Variants in PDIA5 observed in about 807,000 individuals in gnomAD.
The protein encoded by PDIA5 is protein disulfide-isomerase A5.
In PDIA5, 58 loss-of-function variants were observed where a neutral mutation model predicts 77.6. That is an observed-to-expected ratio of 0.75 (90% CI 0.61 to 0.93). PDIA5 has a LOEUF of 0.93. Ranked by LOEUF, PDIA5 falls within the 40% of genes least tolerant of loss-of-function variation. PDIA5 has a pLI of 0.00. For missense variants in PDIA5, 630 were observed against 647.7 expected (o/e 0.97, Z 0.30); for synonymous variants, 250 against 252.1 (o/e 0.99, Z 0.08).
chr3:123,100,458 G>A (rs1395043197), intron 3 of PDIA5, among the ~76,000 whole-genome samples: 2 of 152,230 alleles, frequency 1.3e-5, no homozygotes, highest in East Asian at 1.9e-4. Context: ...ATCTTAAAAT[G>A]TCCTTGCCAC....
intron 11 of PDIA5, among the ~76,000 whole-genome samples, chr3:123,133,422 C>G (rs568237861): frequency 2.5e-4 from 38 of 152,340 alleles, no homozygotes; most frequent in African/African-American, 8.9e-4. Flanking sequence ...TAGCAGACCA[C>G]AGCTTCTACT....
intron 1 of PDIA5, among the ~76,000 whole-genome samples, chr3:123,080,399 T>C (rs1158277727): frequency 6.6e-6 from 1 of 152,170 alleles, no homozygotes; most frequent in Non-Finnish European, 1.5e-5. Flanking sequence ...CCAACTCAAC[T>C]CTGAATTGAA....
intron 6 of PDIA5, among the ~76,000 whole-genome samples, chr3:123,108,383 C>T (rs1275842871): frequency 5.3e-5 from 8 of 149,640 alleles, no homozygotes; most frequent in African/African-American, 9.8e-5. Context: ...GGGGTTCAAG[C>T]GATTCTCGTA....
At chr3:123,089,419 G>C in intron 2 of PDIA5, 125 bp downstream of exon 2, 1 of 865,386 alleles carries the variant, frequency 1.2e-6, no homozygotes, top group Non-Finnish European at 1.8e-6. Flanking sequence ...CATGGGGTTT[G>C]TCACCTTTCC....
intron 11 of PDIA5, among the ~76,000 whole-genome samples, chr3:123,139,637 A>G (rs1194545320): frequency 6.6e-6 from 1 of 152,096 alleles, no homozygotes; most frequent in Non-Finnish European, 1.5e-5. Context: ...GGAGGAGAGG[A>G]GAGGGGATGT....
At chr3:123,159,361 A>G (rs1055189471) in intron 15 of PDIA5, among the ~76,000 whole-genome samples, 2 of 152,150 alleles carry the variant, frequency 1.3e-5, no homozygotes, top group Non-Finnish European at 2.9e-5. Context: ...TAAATAATAA[A>G]GTGCGTTAGA....
intron 13 of PDIA5, among the ~76,000 whole-genome samples, chr3:123,149,519 C>A (rs1342566240): frequency 6.6e-6 from 1 of 152,132 alleles, no homozygotes; most frequent in Non-Finnish European, 1.5e-5. Flanking sequence ...ATTGCAAGAC[C>A]CTGGAGATCC....
chr3:123,139,748 T>C (rs1458304034), intron 11 of PDIA5, among the ~76,000 whole-genome samples: 1 of 152,178 alleles, frequency 6.6e-6, no homozygotes, highest in Non-Finnish European at 1.5e-5. Context: ...ATAAAGAATT[T>C]AGTCCTGCCA....
At chr3:123,159,393 G>A (rs1340039502) in intron 15 of PDIA5, among the ~76,000 whole-genome samples, 2 of 152,336 alleles carry the variant, frequency 1.3e-5, no homozygotes, top group Non-Finnish European at 2.9e-5. Context: ...GTTATCAGAA[G>A]TGCATAGGGG....
At chr3:123,147,086 C>T (rs529571322) in intron 13 of PDIA5, among the ~76,000 whole-genome samples, 4 of 152,330 alleles carry the variant, frequency 2.6e-5, no homozygotes, top group African/African-American at 7.2e-5. Context: ...GCTAGGATTA[C>T]AGGCGTGAAC....
intron 5 of PDIA5, among the ~76,000 whole-genome samples, chr3:123,105,738 C>T (rs968666124): frequency 2.9e-4 from 10 of 34,920 alleles, no homozygotes; most frequent in African/African-American, 5.6e-4. Flanking sequence ...GCCACACACA[C>T]GCACACACAC....
At chr3:123,128,374 G>A (rs79105204) in intron 10 of PDIA5, among the ~76,000 whole-genome samples, 4,699 of 152,104 alleles carry the variant, frequency 0.031, 117 homozygotes, top group Middle Eastern at 0.099. Flanking sequence ...AGTTCCTCCC[G>A]TTCTTTCCTT....
chr3:123,113,161 A>AAAGCC (rs1934905840), intron 7 of PDIA5, among the ~76,000 whole-genome samples: 3 of 152,184 alleles, frequency 2.0e-5, no homozygotes, highest in Admixed American at 6.5e-5. Flanking sequence ...CTCCTTTGGT[A>AAAGCC]TATCTTAAAG....
At chr3:123,068,814 A>C (rs1299335725) in intron 1 of PDIA5, among the ~76,000 whole-genome samples, 1 of 152,222 alleles carries the variant, frequency 6.6e-6, no homozygotes, top group Admixed American at 6.5e-5. Flanking sequence ...CCTGTGAGCA[A>C]ATAATGACAG....
chr3:123,150,321 C>A lies in PDIA5; in HGVS notation c.1230C>A (p.Thr410=), dbSNP rs1935861468. The A allele has an allele frequency of 1.9e-6, 3 of 1,613,692 alleles. No homozygotes were observed. Among genetic ancestry groups the A allele is most frequent in the Non-Finnish European group, 2.5e-6 (3 of 1,179,900 alleles). Residue 410 remains threonine, a synonymous_variant, in exon 14 of 17, where the codon ACC becomes ACA. Coordinates refer to ENST00000316218, the MANE Select transcript of PDIA5 (RefSeq NM_006810.4). The stretch of plus-strand genomic sequence containing the variant: ...TGGTGGGGGACAACTTCCGGGAGAC[C>A]CTGAAGAAGAAGAAACACACCTTGG... The part of the protein sequence containing the change: ...LHLVGDNFRE[T]LKKKKHTLVM...
intron 1 of PDIA5, among the ~76,000 whole-genome samples, chr3:123,080,264 G>A (rs1933966184): frequency 6.6e-6 from 1 of 152,150 alleles, no homozygotes; most frequent in Non-Finnish European, 1.5e-5. Flanking sequence ...CAGCCTTCTG[G>A]GTCCAGCTGA....
At chr3:123,097,979 T>C (rs941171149) in intron 3 of PDIA5, among the ~76,000 whole-genome samples, 4 of 152,150 alleles carry the variant, frequency 2.6e-5, no homozygotes, top group Admixed American at 1.3e-4. Context: ...TGGTCTCCCG[T>C]GGACATGAGA....
chr3:123,138,776 G>C (rs188905778), intron 11 of PDIA5, among the ~76,000 whole-genome samples: 1 of 152,062 alleles, frequency 6.6e-6, no homozygotes, highest in Non-Finnish European at 1.5e-5. Flanking sequence ...ATTTCTGCTG[G>C]CATTTGTAGG....
chr3:123,082,895 T>C lies in PDIA5; in HGVS notation c.43-6273T>C, dbSNP rs186211297. On this transcript the variant is annotated intron_variant, in intron 1 of 16. Transcript: ENST00000316218. ...CCTGCTATAAATGGTGGCACCTGGA[T>C]TTCCCCCAGGTCTGTCTGACTCCTG... Among the ~76,000 whole-genome samples, 577 of 152,184 alleles carry C rather than the reference T, an allele frequency of 3.8e-3. 9 individuals carry two copies. The highest frequency in any genetic ancestry group is 4.5e-3 in the Non-Finnish European group (305 of 68,010).
Sources: allele counts gnomAD v4.1 joint callset (sites outside exome capture counted in the v4.1 genomes callset), GRCh38; gene constraint gnomAD v4.1.1; transcripts MANE v1.5; gene names NCBI Gene and HGNC (gene_info 2026-07-23, HGNC 2026-07-21).